Variants in LDLRAD4 observed in about 807,000 individuals in gnomAD.
The protein encoded by LDLRAD4 is low-density lipoprotein receptor class A domain-containing protein 4.
A neutral mutation model predicts 17.0 loss-of-function variants in LDLRAD4; 5 were observed. That is an observed-to-expected ratio of 0.29 (90% CI 0.15 to 0.62). LDLRAD4 has a LOEUF of 0.62. Among genes scored for constraint, LDLRAD4 ranks in the 20% least tolerant of loss-of-function variants. The pLI is 0.84. For missense variants in LDLRAD4, 340 were observed against 424.7 expected (o/e 0.80, Z 1.75); for synonymous variants, 168 against 171.8 (o/e 0.98, Z 0.17).
At chr18:13,364,354 A>C (rs116430902) in intron 1 of LDLRAD4, among the ~76,000 whole-genome samples, 2,027 of 152,166 alleles carry the variant, frequency 0.013, 30 homozygotes, top group Middle Eastern at 0.034. Flanking sequence ...TTTTTTTTAA[A>C]AGAGACAAGG....
intron 3 of LDLRAD4, among the ~76,000 whole-genome samples, chr18:13,536,178 G>T (rs1021432005): frequency 2.0e-5 from 3 of 152,140 alleles, no homozygotes; most frequent in Non-Finnish European, 4.4e-5. Flanking sequence ...ATTCGAAGAA[G>T]TATGCTAGGA....
chr18:13,396,862 A>G (rs1168932070), intron 2 of LDLRAD4, among the ~76,000 whole-genome samples: 4 of 152,254 alleles, frequency 2.6e-5, no homozygotes, highest in African/African-American at 9.6e-5. Context: ...GCAAATGTAG[A>G]AACTGTGGAT....
At chr18:13,435,608 G>A (rs987357273) in intron 2 of LDLRAD4, among the ~76,000 whole-genome samples, 5 of 152,054 alleles carry the variant, frequency 3.3e-5, no homozygotes, top group African/African-American at 7.3e-5. Context: ...CACTGCACTT[G>A]GCTAATTTTT....
chr18:13,483,631 T>A (rs1389821531), intron 3 of LDLRAD4, among the ~76,000 whole-genome samples: 1 of 152,184 alleles, frequency 6.6e-6, no homozygotes, highest in Non-Finnish European at 1.5e-5. Flanking sequence ...TAGGATGTGT[T>A]TGCCGGATGC....
chr18:13,280,627 G>A (rs908116706), intron 1 of LDLRAD4, among the ~76,000 whole-genome samples: 7 of 152,226 alleles, frequency 4.6e-5, no homozygotes, highest in African/African-American at 1.4e-4. Context: ...TGTGGGCAAA[G>A]AAATCGTTAA....
Position 13,643,418 on chromosome 18 carries a change from G to C in LDLRAD4, c.390+6G>C. ...CGCGGCTGGGCGCCTCGGAGGTAAG[G>C]GGCCCCAGGAGGTGATGGCTGCGGG... is the stretch of plus-strand genomic sequence containing the variant. On this transcript the variant is annotated splice_donor_region_variant and intron_variant, in intron 5 of 5. Transcript: ENST00000359446. 1 of 1,077,020 alleles carries C rather than the reference G, an allele frequency of 9.3e-7. No individual in the cohort carries two copies. The highest frequency in any genetic ancestry group is 1.2e-6 in the Non-Finnish European group (1 of 849,006). The allele number at this position is 1,077,020 out of a possible 1,614,324, so 66.7% of individuals were successfully genotyped here.
chr18:13,650,209 GT>G (rs1479322668), exon 6 of LDLRAD4: 53 of 402,694 alleles, frequency 1.3e-4, no homozygotes, highest in Non-Finnish European at 2.0e-4. Context: ...CCTTTGCAGA[GT>G]TCAAGTTTAT....
intron 1 of LDLRAD4, chr18:13,278,471 A>T (rs1388458922): frequency 6.6e-6 from 1 of 152,240 alleles, no homozygotes; most frequent in Non-Finnish European, 1.5e-5. Context: ...CCTACCTGGC[A>T]TGCCAGCTTC....
At chr18:13,305,520 A>G (rs986743365) in intron 1 of LDLRAD4, among the ~76,000 whole-genome samples, 8 of 152,164 alleles carry the variant, frequency 5.3e-5, no homozygotes, top group Admixed American at 3.9e-4. Context: ...GCATATTTTC[A>G]CTGTATTTCC....
chr18:13,247,252 T>C (rs904251227), intron 1 of LDLRAD4, among the ~76,000 whole-genome samples: 2 of 152,218 alleles, frequency 1.3e-5, no homozygotes, highest in African/African-American at 4.8e-5. Context: ...TAATTGTAGA[T>C]TTTCAGAAGA....
intron 3 of LDLRAD4, among the ~76,000 whole-genome samples, chr18:13,582,751 C>A (rs772628346): frequency 3.9e-5 from 6 of 152,218 alleles, no homozygotes; most frequent in Admixed American, 2.6e-4. Flanking sequence ...CTCACTCTGT[C>A]ACCCAGGCTA....
chr18:13,507,325 A>G (rs1380748576), intron 3 of LDLRAD4, among the ~76,000 whole-genome samples: 3 of 151,916 alleles, frequency 2.0e-5, no homozygotes, highest in Non-Finnish European at 2.9e-5. Context: ...CCTCCTCCCA[A>G]CTTCCCCGCG....
upstream of LDLRAD4, among the ~76,000 whole-genome samples, chr18:13,277,421 G>T (rs2044950431): frequency 6.6e-6 from 1 of 152,224 alleles, no homozygotes; most frequent in African/African-American, 2.4e-5. Flanking sequence ...ACCTGGGACG[G>T]TGCGATGCCC....
At chr18:13,257,734 GGTGCTCCTAGCATCTA>G (rs1175029490) in intron 1 of LDLRAD4, among the ~76,000 whole-genome samples, 1 of 152,226 alleles carries the variant, frequency 6.6e-6, no homozygotes, top group Non-Finnish European at 1.5e-5. Context: ...GGAGGTGGGA[GGTGCTCCTAGCATCTA>G]GTGGGGAGAG....
chr18:13,311,956 C>T (rs997734528), intron 1 of LDLRAD4, among the ~76,000 whole-genome samples: 2 of 151,970 alleles, frequency 1.3e-5, no homozygotes, highest in African/African-American at 2.4e-5. Flanking sequence ...CTCAGCCTCC[C>T]GAGTAGCTGG....
At chr18:13,507,552 T>A (rs1319237184) in intron 3 of LDLRAD4, among the ~76,000 whole-genome samples, 1 of 152,236 alleles carries the variant, frequency 6.6e-6, no homozygotes, top group African/African-American at 2.4e-5. Context: ...ATTTTCTTTA[T>A]CCCCTCATTG....
chr18:13,513,568 A>C (rs1336519538), intron 3 of LDLRAD4, among the ~76,000 whole-genome samples: 2 of 152,198 alleles, frequency 1.3e-5, no homozygotes, highest in African/African-American at 2.4e-5. Flanking sequence ...TCAGATATTT[A>C]GGAGCGGACA....
chr18:13,539,935 G>T (rs888120068), intron 3 of LDLRAD4, among the ~76,000 whole-genome samples: 1 of 152,202 alleles, frequency 6.6e-6, no homozygotes, highest in Non-Finnish European at 1.5e-5. Context: ...CCTTGGGCTG[G>T]CTATGGCCAC....
intron 3 of LDLRAD4, among the ~76,000 whole-genome samples, chr18:13,537,069 T>C (rs2094210593): frequency 6.6e-6 from 1 of 152,248 alleles, no homozygotes; most frequent in Non-Finnish European, 1.5e-5. Flanking sequence ...ATTAGAGATA[T>C]TGGTCTGTTG....
Sources: gnomAD v4.1 joint callset for allele counts (sites outside exome capture counted in the v4.1 genomes callset) on GRCh38, gnomAD v4.1.1 for gene constraint, MANE v1.5 for transcripts, NCBI Gene and HGNC (gene_info 2026-07-23, HGNC 2026-07-21) for gene names.